The following SMN2 variants were observed in gnomAD, a reference collection of about 807,000 sequenced individuals.
SMN2 encodes survival motor neuron protein.
In SMN2, 1 loss-of-function variant was observed where a neutral mutation model predicts 2.8. The ratio of observed to expected loss-of-function variants is 0.35; its 90% CI spans 0.13 to 1.68. SMN2 has a LOEUF of 1.68. Among genes scored for constraint, SMN2 ranks in the 40% most tolerant of loss-of-function variants. The probability of loss-of-function intolerance (pLI) is 0.35; values close to 1 mark genes in which losing one functional copy is unlikely to be tolerated. For synonymous variants in SMN2, 5 were observed against 5.0 expected (o/e 0.99, Z 0.01); for missense variants, 12 against 16.9 (o/e 0.71, Z 0.51).
At chr5:70,070,141 A>G (rs954813953) in intron 6 of SMN2, among the ~76,000 whole-genome samples, 2 of 132,368 alleles carry the variant, frequency 1.5e-5, no homozygotes, top group African/African-American at 6.5e-5. Context: ...TCGAAATGCT[A>G]TGTGAGCTGT....
chr5:70,085,492 C>T, the SMN2 span, among the ~76,000 whole-genome samples: 2 of 112,932 alleles, frequency 1.8e-5, no homozygotes, highest in Non-Finnish European at 3.5e-5. Context: ...ATCCACCCAC[C>T]TTGGCATCCC....
At position 70,074,865 on chromosome 5, in the gene SMN2, G is replaced by T. The variant is rs1354452293; in HGVS notation, c.835-1656G>T. Among the ~76,000 whole-genome samples, 55 of 121,444 alleles carry T rather than the reference G, an allele frequency of 4.5e-4. 7 individuals are homozygous for T. Among genetic ancestry groups the T allele is most frequent in the Non-Finnish European group, 7.8e-4 (45 of 57,996 alleles). 79.7% of individuals were successfully genotyped at this position (121,444 alleles called of 152,430 possible). ...AAACTAGCCGGGCATGGTGGCGCAT[G>T]CCTGTAATCCCAGCTACTTGGGAGG... On this transcript the variant is annotated intron_variant, in intron 7 of 8. Transcript: ENST00000380743.
At chr5:70,083,719 G>A in the SMN2 span, among the ~76,000 whole-genome samples, 7 of 130,338 alleles carry the variant, frequency 5.4e-5, no homozygotes, top group Middle Eastern at 0.011. Flanking sequence ...ACCAAACACC[G>A]CATGTTCTCA....
the SMN2 span, among the ~76,000 whole-genome samples, chr5:70,084,188 GTT>G: frequency 5.9e-5 from 3 of 50,670 alleles, no homozygotes; most frequent in Admixed American, 2.4e-4. Context: ...CATTTAAATT[GTT>G]TTTTTTTTTT....
At chr5:70,079,944 GC>G (rs1774832831), downstream of SMN2, among the ~76,000 whole-genome samples, 1 of 107,420 alleles carries the variant, frequency 9.3e-6, no homozygotes, top group Admixed American at 1.0e-4. Flanking sequence ...GAATCACCAT[GC>G]CCAGCCCTTC....
At chr5:70,084,894 G>A in the SMN2 span, among the ~76,000 whole-genome samples, 1 of 137,136 alleles carries the variant, frequency 7.3e-6, no homozygotes, top group Non-Finnish European at 1.5e-5. Context: ...CAGTTTCATG[G>A]TTTTTCATGG....
At chr5:70,071,650 G>T (rs1774616368) in intron 7 of SMN2, among the ~76,000 whole-genome samples, 1 of 143,666 alleles carries the variant, frequency 7.0e-6, no homozygotes. Flanking sequence ...CGAGTAGCTG[G>T]GACTACAGGC....
chr5:70,073,126 AAAAAT>A (rs971446452), intron 7 of SMN2, among the ~76,000 whole-genome samples: 1 of 40,854 alleles, frequency 2.4e-5, no homozygotes, highest in Non-Finnish European at 5.0e-5. Flanking sequence ...CTCTGTCTCA[AAAAAT>A]AAAATAAAAA....
At chr5:70,052,988 G>C (rs1167119005) in intron 1 of SMN2, among the ~76,000 whole-genome samples, 3 of 76,750 alleles carry the variant, frequency 3.9e-5, no homozygotes, top group Non-Finnish European at 8.2e-5. Flanking sequence ...GCAGAGCCTA[G>C]AAGGTGATGG....
At chr5:70,083,907 C>G in the SMN2 span, among the ~76,000 whole-genome samples, 7 of 126,740 alleles carry the variant, frequency 5.5e-5, no homozygotes, top group African/African-American at 2.3e-4. Flanking sequence ...ACATATGTAA[C>G]TAACCTGCAC....
At chr5:70,084,407 T>G in the SMN2 span, among the ~76,000 whole-genome samples, 1 of 125,176 alleles carries the variant, frequency 8.0e-6, no homozygotes, top group African/African-American at 3.6e-5. Flanking sequence ...CAGGCTGATC[T>G]TGAACTCCTG....
intron 7 of SMN2, among the ~76,000 whole-genome samples, chr5:70,075,975 TC>T (rs1307083314): frequency 7.9e-6 from 1 of 126,252 alleles, no homozygotes; most frequent in Admixed American, 7.9e-5. Context: ...TGCCTCAACC[TC>T]CCAAGTAGCT....
At chr5:70,083,913 T>A in the SMN2 span, among the ~76,000 whole-genome samples, 2 of 125,788 alleles carry the variant, frequency 1.6e-5, 1 homozygote, top group Non-Finnish European at 3.1e-5. Flanking sequence ...GTAACTAACC[T>A]GCACATTGTG....
chr5:70,083,907 C>T, the SMN2 span, among the ~76,000 whole-genome samples: 1 of 126,668 alleles, frequency 7.9e-6, no homozygotes, highest in African/African-American at 3.9e-5. Context: ...ACATATGTAA[C>T]TAACCTGCAC....
At chr5:70,052,830 C>T (rs1774488468) in intron 1 of SMN2, among the ~76,000 whole-genome samples, 3 of 96,938 alleles carry the variant, frequency 3.1e-5, no homozygotes, top group Admixed American at 2.2e-4. Context: ...TGCAGTGACC[C>T]GAGATCGTGC....
Position 70,076,675 on chromosome 5 carries a change from A to G in SMN2, c.*3+101A>G, listed in dbSNP as rs1181337366. 5.7e-6 allele frequency: 8 copies of G among 1,399,426 alleles called. 2 individuals carry two copies. The highest frequency in any genetic ancestry group is 5.8e-6 in the Non-Finnish European group (6 of 1,037,676). The allele number at this position is 1,399,426 out of a possible 1,614,324, so 86.7% of individuals were successfully genotyped here. A position where few individuals can be genotyped will look rare whatever the true frequency, so the allele number is the denominator to read the frequency against. ...AACATTTAAAAAGTTCAGATGTTAG[A>G]AAGTTGAAAGGTTAATGTAAAACAA... On this transcript the variant is annotated intron_variant, in intron 8 of 8. Coordinates refer to ENST00000380743, the MANE Select transcript of SMN2 (RefSeq NM_017411.4).
chr5:70,075,215 TTTTG>T (rs1774710902), intron 7 of SMN2, among the ~76,000 whole-genome samples: 1 of 78,288 alleles, frequency 1.3e-5, no homozygotes, highest in Non-Finnish European at 2.4e-5. Flanking sequence ...TTGTTTTGTT[TTTTG>T]TTTTTTTTTT....
At chr5:70,083,342 G>A (rs1481509638), downstream of SMN2, among the ~76,000 whole-genome samples, 1 of 134,666 alleles carries the variant, frequency 7.4e-6, no homozygotes, top group African/African-American at 3.2e-5. Flanking sequence ...TTCTGTTGAT[G>A]TGGGGTGGAG....
At chr5:70,083,452 G>A (rs1172400341), downstream of SMN2, among the ~76,000 whole-genome samples, 6 of 135,852 alleles carry the variant, frequency 4.4e-5, 1 homozygote, top group Non-Finnish European at 7.7e-5. Context: ...CCATTACTGG[G>A]TATATACCCA....
Sources: gnomAD v4.1 joint callset for allele counts (sites outside exome capture counted in the v4.1 genomes callset) on GRCh38, gnomAD v4.1.1 for gene constraint, MANE v1.5 for transcripts, NCBI Gene and HGNC (gene_info 2026-07-23, HGNC 2026-07-21) for gene names.